TIA1: variants seen among roughly 807,000 people sequenced by gnomAD.
TIA1 encodes the protein TIA1 cytotoxic granule associated RNA binding protein, also known as cytotoxic granule associated RNA binding protein TIA1.
In TIA1, 23 loss-of-function variants were observed where a neutral mutation model predicts 65.9. The observed-to-expected ratio is 0.35, with a 90% CI of 0.25 to 0.49. The LOEUF (loss-of-function observed/expected upper bound fraction) is 0.49, where lower values mean the gene tolerates loss of function less well. Ranked by LOEUF, TIA1 falls within the 20% of genes least tolerant of loss-of-function variation. The pLI is 0.98. For synonymous variants in TIA1, 147 were observed against 149.4 expected (o/e 0.98, Z 0.12); for missense variants, 371 against 477.9 (o/e 0.78, Z 2.09).
intron 1 of TIA1, among the ~76,000 whole-genome samples, chr2:70,246,154 C>T (rs1245694434): frequency 6.6e-6 from 1 of 152,134 alleles, no homozygotes; most frequent in African/African-American, 2.4e-5. Context: ...GAACTCCTGC[C>T]CTCAAGTGAT....
At chr2:70,236,256 T>A in intron 1 of TIA1, 81 bp from the exon 2 acceptor site, 1 of 880,524 alleles carries the variant, frequency 1.1e-6, no homozygotes, top group Non-Finnish European at 1.8e-6. Flanking sequence ...TAGAGTGCAA[T>A]GGCACGATCT....
In TIA1 at chr2:70,216,244, A is replaced by G. The variant is rs1218443832; in HGVS notation, c.728T>C (p.Ile243Thr). Residue 243 changes from isoleucine to threonine, a missense_variant, in exon 10 of 13, where the codon ATT (isoleucine) becomes ACT (threonine). Coordinates refer to ENST00000433529, the MANE Select transcript of TIA1 (RefSeq NM_022173.4). ...ATATCCTTTATCTGGAAAGACTCGA[A>G]TTTCCATTATTTGTCCAAATGGTGA... is the stretch of plus-strand genomic sequence containing the variant. ...TFSPFGQIME[I>T]RVFPDKGYSF... is the part of the protein sequence containing the mutation. 7 of 1,591,938 alleles carry G rather than the reference A, an allele frequency of 4.4e-6. No homozygotes were observed. The highest frequency in any genetic ancestry group is 5.1e-6 in the Non-Finnish European group (6 of 1,174,244).
At chr2:70,224,834 T>C (rs923804648) in intron 6 of TIA1, 17 of 1,334,742 alleles carry the variant, frequency 1.3e-5, no homozygotes, top group Non-Finnish European at 1.6e-5. Flanking sequence ...CTTAAGTATA[T>C]ATGTATATTT....
intron 7 of TIA1, among the ~76,000 whole-genome samples, chr2:70,223,019 A>G (rs576107683): frequency 6.6e-6 from 1 of 152,380 alleles, no homozygotes; most frequent in South Asian, 2.1e-4. Flanking sequence ...CAGGTTATCA[A>G]GAGACATCCT....
At chr2:70,222,459 C>G (rs1177486619) in intron 7 of TIA1, among the ~76,000 whole-genome samples, 1 of 152,084 alleles carries the variant, frequency 6.6e-6, no homozygotes, top group Non-Finnish European at 1.5e-5. Context: ...AAGCTAAGCT[C>G]AATCAGTATT....
intron 5 of TIA1, 133 bp from the exon 6 acceptor site, chr2:70,227,955 A>T: frequency 1.7e-6 from 1 of 575,344 alleles, no homozygotes; most frequent in Non-Finnish European, 3.0e-6. Context: ...ACACTATCCT[A>T]TATCTATACA....
rs1690342423 is a variant in TIA1 at position 70,238,809 on chromosome 2, T to C, written c.27-2634A>G. Reference sequence around the variant, plus strand: ...CTCACATCTGTAATCCCAGCACTTTTGGAGGCCAAGGTGGAAAGATCACTT... The same window carrying C: ...CTCACATCTGTAATCCCAGCACTTTCGGAGGCCAAGGTGGAAAGATCACTT... On this transcript the variant is annotated intron_variant, in intron 1 of 12. Coordinates refer to ENST00000433529, the MANE Select transcript of TIA1 (RefSeq NM_022173.4). Among the ~76,000 whole-genome samples the C allele has an allele frequency of 3.3e-5, 5 of 152,216 alleles. No homozygotes were observed. The South Asian group carries it at 1.0e-3, about 32-fold the overall frequency.
rs1414305135 is a variant in TIA1 at position 70,211,928 on chromosome 2, T to A, written c.*791A>T. On this transcript the variant is annotated 3_prime_UTR_variant, in exon 13 of 13. Coordinates refer to ENST00000433529, the MANE Select transcript of TIA1 (RefSeq NM_022173.4). ...TCAGATATTTTCTTTAGTAACAAGT[T>A]TTTGTTTTTATAGTTCCTGGTACAC... is the stretch of plus-strand genomic sequence containing the variant. 6.6e-6 allele frequency: 1 copy of A among 152,558 alleles called. No individual in the cohort carries two copies. The highest frequency in any genetic ancestry group is 1.5e-5 in the Non-Finnish European group (1 of 68,044). 9.5% of individuals were successfully genotyped at this position (152,558 alleles called of 1,614,324 possible).
At position 70,248,395 on chromosome 2, in the gene TIA1, C is replaced by T. The variant is rs755068909; in HGVS notation, c.26+10G>A. 2 of 1,600,060 alleles carry T rather than the reference C, an allele frequency of 1.2e-6. No individual in the cohort carries two copies. The highest frequency in any genetic ancestry group is 1.7e-6 in the Non-Finnish European group (2 of 1,179,746). On this transcript the variant is annotated intron_variant, in intron 1 of 12. Coordinates refer to ENST00000433529, the MANE Select transcript of TIA1 (RefSeq NM_022173.4). ...CCATCCCGCCTCCCTCATCGCTGCCCCAGACTCACAGAGTCTTGGGCATCT... is the reference window on the plus strand; with the variant it reads ...CCATCCCGCCTCCCTCATCGCTGCCTCAGACTCACAGAGTCTTGGGCATCT...
At chr2:70,233,293 C>T (rs1687329213) in intron 2 of TIA1, among the ~76,000 whole-genome samples, 3 of 152,112 alleles carry the variant, frequency 2.0e-5, no homozygotes, top group South Asian at 2.1e-4. Context: ...TTGAGAGTCA[C>T]TGGCAATGAC....
intron 1 of TIA1, among the ~76,000 whole-genome samples, chr2:70,238,880 C>T (rs535822862): frequency 1.3e-5 from 2 of 152,022 alleles, no homozygotes; most frequent in Admixed American, 6.6e-5. Flanking sequence ...GCGAGACCCC[C>T]GTCTCTACAA....
At chr2:70,219,299 G>A (rs1680149391) in intron 7 of TIA1, among the ~76,000 whole-genome samples, 1 of 152,174 alleles carries the variant, frequency 6.6e-6, no homozygotes, top group Non-Finnish European at 1.5e-5. Flanking sequence ...AGGGAGCCAA[G>A]AAAACAGAGG....
intron 7 of TIA1, among the ~76,000 whole-genome samples, chr2:70,222,531 T>C (rs1005820692): frequency 5.3e-5 from 8 of 152,186 alleles, no homozygotes; most frequent in African/African-American, 1.9e-4. Context: ...ATCAGGGCTG[T>C]AGCACTGCGT....
intron 10 of TIA1, chr2:70,215,979 C>T (rs1678450635): frequency 4.2e-6 from 2 of 480,494 alleles, no homozygotes; most frequent in Admixed American, 8.1e-5. Flanking sequence ...TGGTCTCAAA[C>T]TCATGACGGT....
intron 11 of TIA1, among the ~76,000 whole-genome samples, 170 bp from the exon 12 acceptor site, chr2:70,214,664 A>G (rs1461311328): frequency 6.6e-6 from 1 of 152,026 alleles, no homozygotes; most frequent in Non-Finnish European, 1.5e-5. Flanking sequence ...AAAAACAAAA[A>G]ACAACAACAA....
intron 7 of TIA1, among the ~76,000 whole-genome samples, chr2:70,218,573 A>T (rs987899101): frequency 1.3e-5 from 2 of 151,474 alleles, no homozygotes; most frequent in Admixed American, 6.6e-5. Flanking sequence ...AGCCCGGCTA[A>T]TTTTTTTTTG....
chr2:70,217,404 CT>C (rs138387625), intron 7 of TIA1, among the ~76,000 whole-genome samples: 56 of 147,570 alleles, frequency 3.8e-4, no homozygotes, highest in African/African-American at 1.2e-3. Context: ...ACTTCTTCTT[CT>C]TTTTTTTTTC....
intron 1 of TIA1, among the ~76,000 whole-genome samples, chr2:70,239,000 T>C (rs1363270585): frequency 6.6e-6 from 1 of 152,128 alleles, no homozygotes; most frequent in Non-Finnish European, 1.5e-5. Context: ...ACCCAGGAGT[T>C]AAGAGGCTGC....
chr2:70,228,791 A>C, intron 5 of TIA1: 1 of 1,356,472 alleles, frequency 7.4e-7, no homozygotes, highest in Non-Finnish European at 9.5e-7. Flanking sequence ...GACCTCAAGA[A>C]AGGAGGGTAT....
Sources: gnomAD v4.1 joint callset for allele counts (sites outside exome capture counted in the v4.1 genomes callset) on GRCh38, gnomAD v4.1.1 for gene constraint, MANE v1.5 for transcripts, NCBI Gene and HGNC (gene_info 2026-07-23, HGNC 2026-07-21) for gene names.